Variants in PYROXD1 observed in about 807,000 individuals in gnomAD.
The protein encoded by PYROXD1 is tRNA ligase complex-associated NAD(P)H dehydrogenase PYROXD1.
A neutral mutation model predicts 62.0 loss-of-function variants in PYROXD1; 42 were observed. The observed-to-expected ratio is 0.68, with a 90% CI of 0.53 to 0.88. The LOEUF (loss-of-function observed/expected upper bound fraction) is 0.88. Among genes scored for constraint, PYROXD1 ranks in the 40% least tolerant of loss-of-function variants. The probability of loss-of-function intolerance (pLI) is 0.00; values close to 1 mark genes in which losing one functional copy is unlikely to be tolerated. For missense variants in PYROXD1, 493 were observed against 604.8 expected, an observed-to-expected ratio of 0.82 and a Z score of 1.94; for synonymous variants, 170 against 206.4, an observed-to-expected ratio of 0.82 and a Z score of 1.51.
chr12:21,467,516 G>C lies in PYROXD1; in HGVS notation c.1152G>C (p.Trp384Cys), dbSNP rs781086237. Reference protein sequence around the residue: ...RLWTQARQMGWYAAKCMAAAS... With the variant: ...RLWTQARQMGCYAAKCMAAAS... The stretch of plus-strand genomic sequence containing the variant: ...GGACCCAGGCTAGACAGATGGGATG[G>C]TATGCAGCAAAGTGCATGGCTGCAG... The change falls in exon 11 of 12, where the codon TGG (tryptophan) becomes TGC (cysteine). Residue 384 changes from tryptophan to cysteine, a missense_variant. Around this residue, in one of 2 missense-constraint regions of PYROXD1, gnomAD observed 329 missense variants for 446.6 expected, o/e 0.74. Transcript: ENST00000240651. The C allele has an allele frequency of 6.2e-7, 1 of 1,611,388 alleles. No homozygotes were observed. The highest frequency in any genetic ancestry group is 8.5e-7 in the Non-Finnish European group (1 of 1,178,724).
At chr12:21,449,728 A>C in intron 4 of PYROXD1, 37 bp downstream of exon 4, 1 of 1,558,400 alleles carries the variant, frequency 6.4e-7, no homozygotes, top group Non-Finnish European at 8.7e-7. Context: ...AAGGAAAATA[A>C]AAGAATTTTC....
At chr12:21,454,864 A>C (rs1431694303) in intron 5 of PYROXD1, 4 of 229,798 alleles carry the variant, frequency 1.7e-5, no homozygotes, top group Non-Finnish European at 3.4e-5. Context: ...AATGATGTAC[A>C]CTGTAATGAA....
At chr12:21,458,567 C>T (rs1942640762) in intron 7 of PYROXD1, among the ~76,000 whole-genome samples, 1 of 152,172 alleles carries the variant, frequency 6.6e-6, no homozygotes, top group African/African-American at 2.4e-5. Context: ...ATAATCATTG[C>T]TACCTTTTGA....
rs201015588 is a variant in PYROXD1 at position 21,440,437 on chromosome 12, A to G, written c.154A>G (p.Asn52Asp). The part of the protein sequence containing the change: ...TASPVIKAVT[N>D]FKQISKILEE... The stretch of plus-strand genomic sequence containing the variant: ...TTCTCCTGTTATTAAAGCAGTTACA[A>G]ATTTCAAGCAGGTAAGAACCTTTGT... Residue 52 changes from asparagine (N) to aspartate (D), a missense_variant, in exon 2 of 12, where the codon AAT becomes GAT. Transcript: ENST00000240651. 48 of 1,590,182 alleles carry G rather than the reference A, an allele frequency of 3.0e-5. No individual in the cohort carries two copies. Among genetic ancestry groups the G allele is most frequent in the Non-Finnish European group, 3.7e-5 (43 of 1,164,400 alleles).
chr12:21,441,956 T>C (rs566377694), intron 2 of PYROXD1, among the ~76,000 whole-genome samples: 2 of 152,346 alleles, frequency 1.3e-5, no homozygotes, highest in African/African-American at 4.8e-5. Flanking sequence ...GTGCCCACTT[T>C]GTAGTCTGTG....
At chr12:21,465,681 T>C (rs1942780055) in intron 10 of PYROXD1, among the ~76,000 whole-genome samples, 1 of 152,052 alleles carries the variant, frequency 6.6e-6, no homozygotes, top group Non-Finnish European at 1.5e-5. Flanking sequence ...TTAGATCCCA[T>C]TTGTTAATTT....
chr12:21,449,211 A>C (rs73067973), intron 3 of PYROXD1, among the ~76,000 whole-genome samples: 3 of 152,140 alleles, frequency 2.0e-5, no homozygotes, highest in Non-Finnish European at 2.9e-5. Context: ...AATTTCTTGA[A>C]GTTTTGTTTT....
At chr12:21,444,249 A>G (rs895448326) in intron 2 of PYROXD1, among the ~76,000 whole-genome samples, 2 of 152,234 alleles carry the variant, frequency 1.3e-5, no homozygotes, top group Non-Finnish European at 2.9e-5. Flanking sequence ...TAACAAATAT[A>G]CAAATATCAG....
In PYROXD1 at chr12:21,471,140, A is replaced by G. The variant is rs1372640501; in HGVS notation, c.*2386A>G. The G allele has an allele frequency of 6.5e-7, 1 of 1,527,714 alleles. No homozygotes were observed. The allele number at this position is 1,527,714 out of a possible 1,614,324, so 94.6% of individuals were successfully genotyped here. ...CCAACAATAAGAAAGCTTTTGAAGG[A>G]ATCACGGAAAACAAATTTATAAAAG... is the stretch of plus-strand genomic sequence containing the variant. On this transcript the variant is annotated 3_prime_UTR_variant, in exon 12 of 12. Transcript: ENST00000240651.
At chr12:21,467,052 T>C (rs1178711502) in intron 10 of PYROXD1, among the ~76,000 whole-genome samples, 1 of 152,098 alleles carries the variant, frequency 6.6e-6, no homozygotes, top group East Asian at 1.9e-4. Context: ...GTCTAACCAC[T>C]GAGGTTAACA....
intron 1 of PYROXD1, among the ~76,000 whole-genome samples, chr12:21,439,968 C>T (rs1049235047): frequency 2.6e-5 from 4 of 152,032 alleles, no homozygotes; most frequent in Admixed American, 2.6e-4. Flanking sequence ...TAATTTCATC[C>T]CATTGAAGAC....
At position 21,467,661 on chromosome 12, in the gene PYROXD1, CTTA is replaced by C. The variant is rs776820904; in HGVS notation, c.1254+45_1254+47del. The C allele has an allele frequency of 2.8e-6, 4 of 1,404,258 alleles. No homozygotes were observed. In the African/African-American group the frequency reaches 4.3e-5, roughly 15 times the overall value. The allele number at this position is 1,404,258 out of a possible 1,614,324, so 87.0% of individuals were successfully genotyped here. A position where few individuals can be genotyped will look rare whatever the true frequency, so the allele number is the denominator to read the frequency against. On this transcript the variant is annotated intron_variant, in intron 11 of 11. Coordinates refer to ENST00000240651, the MANE Select transcript of PYROXD1 (RefSeq NM_024854.5). Reference sequence around the variant, plus strand: ...ATTAATGCCTTCTCTGCTTGTTAGTCTTATGACTATGATAAATCATGTGATTTT... The same window carrying C: ...ATTAATGCCTTCTCTGCTTGTTAGTCTGACTATGATAAATCATGTGATTTT...
In PYROXD1 at chr12:21,468,915, T is replaced by C. The variant is rs1256191365; in HGVS notation, c.*161T>C. On this transcript the variant is annotated 3_prime_UTR_variant, in exon 12 of 12. Coordinates refer to ENST00000240651, the MANE Select transcript of PYROXD1 (RefSeq NM_024854.5). ...AAATATAAAAACATAAATTCTAAGTTTGAAATCAGTTCAAAGTTTATTTAT... is the reference window on the plus strand; with the variant it reads ...AAATATAAAAACATAAATTCTAAGTCTGAAATCAGTTCAAAGTTTATTTAT... 1.9e-5 allele frequency: 13 copies of C among 674,262 alleles called. No individual in the cohort carries two copies. The African/African-American group carries it at 2.4e-4, about 12-fold the overall frequency. The allele number at this position is 674,262 out of a possible 1,614,324, so 41.8% of individuals were successfully genotyped here. A position where few individuals can be genotyped will look rare whatever the true frequency, so the allele number is the denominator to read the frequency against.
Position 21,469,822 on chromosome 12 carries a change from C to T in PYROXD1, c.*1068C>T, listed in dbSNP as rs1272565146. On this transcript the variant is annotated 3_prime_UTR_variant, in exon 12 of 12. Coordinates refer to ENST00000240651, the MANE Select transcript of PYROXD1 (RefSeq NM_024854.5). ...GATCTACATATTTAACTTAAAGTAT[C>T]ACTCAGTGAGCCTCTGTCAGTATAA... 1.8e-5 allele frequency: 3 copies of T among 167,712 alleles called. No homozygotes were observed. Among genetic ancestry groups the T allele is most frequent in the Non-Finnish European group, 2.6e-5 (2 of 78,304 alleles). The allele number at this position is 167,712 out of a possible 1,614,324, so 10.4% of individuals were successfully genotyped here. A position where few individuals can be genotyped will look rare whatever the true frequency, so the allele number is the denominator to read the frequency against.
Position 21,455,382 on chromosome 12 carries a change from T to C in PYROXD1, c.649+90T>C, listed in dbSNP as rs1435052997. 6 of 763,060 alleles carry C rather than the reference T, an allele frequency of 7.9e-6. No homozygotes were observed. In the African/African-American group the frequency reaches 9.1e-5, roughly 12 times the overall value. 47.3% of individuals were successfully genotyped at this position (763,060 alleles called of 1,614,324 possible). A position where few individuals can be genotyped will look rare whatever the true frequency, so the allele number is the denominator to read the frequency against. On this transcript the variant is annotated intron_variant, in intron 6 of 11. Coordinates refer to ENST00000240651, the MANE Select transcript of PYROXD1 (RefSeq NM_024854.5). ...CTACAAGAAAATTTAATAAAATAAA[T>C]TTTGGAAATAGTAATATGGATATTT...
chr12:21,468,590 A>G lies in PYROXD1; in HGVS notation c.1339A>G (p.Ile447Val), dbSNP rs1942847510. 6.2e-7 allele frequency: 1 copy of G among 1,613,162 alleles called. No homozygotes were observed. ...GAGATGTACCAAAGGACGAGAATAC[A>G]TCAAAGTCGTCATGCAAAATGGACG... Reference protein sequence around the residue: ...MLRCTKGREYIKVVMQNGRMM... With the variant: ...MLRCTKGREYVKVVMQNGRMM... Residue 447 changes from isoleucine (I) to valine (V), a missense_variant, in exon 12 of 12, where the codon ATC becomes GTC. Ile to Val is a conservative substitution (Grantham distance 29). Around this residue, in one of 2 missense-constraint regions of PYROXD1, gnomAD observed 329 missense variants for 446.6 expected, o/e 0.74. Transcript: ENST00000240651.
chr12:21,468,765 T>G lies in PYROXD1; in HGVS notation c.*11T>G. Reference sequence around the variant, plus strand: ...GATTATTTTGACTAAAAATGGAATTTCTTCAGGAATCATATAAAGTTCCAA... The same window carrying G: ...GATTATTTTGACTAAAAATGGAATTGCTTCAGGAATCATATAAAGTTCCAA... On this transcript the variant is annotated 3_prime_UTR_variant, in exon 12 of 12. Transcript: ENST00000240651. 6.3e-7 allele frequency: 1 copy of G among 1,597,964 alleles called. No individual in the cohort carries two copies.
chr12:21,448,076 TG>T, intron 3 of PYROXD1: 1 of 601,188 alleles, frequency 1.7e-6, no homozygotes, highest in Non-Finnish European at 3.2e-6. Context: ...CAAACTGAGC[TG>T]GGCCACTCAA....
rs12315190 is a variant in PYROXD1 at position 21,462,334 on chromosome 12, T to C, written c.993+214T>C. Among the ~76,000 whole-genome samples the C allele has an allele frequency of 0.043, 6,599 of 152,250 alleles. 438 individuals are homozygous for C. Among genetic ancestry groups the C allele is most frequent in the African/African-American group, 0.15 (6,213 of 41,516 alleles). Reference sequence around the variant, plus strand: ...ATCCTTGCATAAGCGTCATCAGTAATGGTTTATAATGTACAATTTATTTAT... The same window carrying C: ...ATCCTTGCATAAGCGTCATCAGTAACGGTTTATAATGTACAATTTATTTAT... On this transcript the variant is annotated intron_variant, in intron 9 of 11. Coordinates refer to ENST00000240651, the MANE Select transcript of PYROXD1 (RefSeq NM_024854.5).
Sources: allele counts gnomAD v4.1 joint callset (sites outside exome capture counted in the v4.1 genomes callset), GRCh38; gene constraint gnomAD v4.1.1; regional missense constraint gnomAD v4.1.1; transcripts MANE v1.5; gene names NCBI Gene and HGNC (gene_info 2026-07-23, HGNC 2026-07-21).